TASOR: variants seen among roughly 807,000 people sequenced by gnomAD.
The protein encoded by TASOR is protein TASOR.
Under a neutral mutation model 178.6 loss-of-function variants are expected in TASOR, and 53 were observed. The observed-to-expected ratio is 0.30, with a 90% confidence interval of 0.24 to 0.37. The LOEUF (loss-of-function observed/expected upper bound fraction) is 0.37. Ranked by LOEUF, TASOR falls within the 10% of genes least tolerant of loss-of-function variation. The pLI, the probability that TASOR is intolerant of heterozygous loss-of-function variation, is 1.00. For synonymous variants in TASOR, 713 were observed against 696.2 expected (o/e 1.02, Z -0.38); for missense variants, 1,815 against 1,971.4 (o/e 0.92, Z 1.50).
rs1240947514 is a variant in TASOR at position 56,623,374 on chromosome 3, A to G, written c.4676T>C (p.Leu1559Ser). ...LQSSPDVQNS[L>S]LEDKTYLDSE... ...ATCAAGGTAAGTCTTATCTTCTAAT[A>G]AACTGTTTTGCACATCAGGAGACGA... The change falls in exon 24 of 24, where the codon TTA becomes TCA. Residue 1559 changes from leucine to serine, a missense_variant. Transcript: ENST00000683822. 6.2e-7 allele frequency: 1 copy of G among 1,613,586 alleles called. No individual in the cohort carries two copies. Among genetic ancestry groups the G allele is most frequent in the Non-Finnish European group, 8.5e-7 (1 of 1,179,934 alleles).
chr3:56,623,283 T>C lies in TASOR; in HGVS notation c.4767A>G (p.Gln1589=). The change falls in exon 24 of 24, where the codon CAA becomes CAG. Residue 1589 remains glutamine, a synonymous_variant. Transcript: ENST00000683822. ...SEGENSNSTE[Q]DSYSNFQVYH... The stretch of plus-strand genomic sequence containing the variant: ...AAACCTGAAAGTTACTATATGAATC[T>C]TGTTCTGTTGAATTGCTGTTCTCTC... 1.2e-6 allele frequency: 2 copies of C among 1,613,578 alleles called. No individual in the cohort carries two copies. The highest frequency in any genetic ancestry group is 8.5e-7 in the Non-Finnish European group (1 of 1,179,924).
At chr3:56,631,584 GTTTTTTTT>G (rs932459148) in intron 18 of TASOR, among the ~76,000 whole-genome samples, 1 of 113,436 alleles carries the variant, frequency 8.8e-6, no homozygotes, top group Non-Finnish European at 1.8e-5. Flanking sequence ...GTGTTTTTTT[GTTTTTTTT>G]TTTTTTTTTG....
In TASOR at chr3:56,669,754, C is replaced by G. The variant is rs944221989; in HGVS notation, c.681G>C (p.Ala227=). 1.8e-5 allele frequency: 28 copies of G among 1,549,014 alleles called. No individual in the cohort carries two copies. The highest frequency in any genetic ancestry group is 3.3e-4 in the Middle Eastern group (2 of 6,010). The change falls in exon 5 of 24, where the codon GCG becomes GCC. Residue 227 remains alanine (A), a synonymous_variant. Coordinates refer to ENST00000683822, the MANE Select transcript of TASOR (RefSeq NM_001365635.2). ...CCATTGCCCCCGTGTCCAAAGGATT[C>G]GCTTGTAATAAATCAGCATACCTAG... ...YLSRYADLLQ[A]NPLDTGAMGD...
intron 7 of TASOR, 63 bp downstream of exon 7, chr3:56,666,197 A>T: frequency 7.5e-7 from 1 of 1,332,278 alleles, no homozygotes; most frequent in Non-Finnish European, 9.7e-7. Flanking sequence ...CTCCTAACTC[A>T]GTAGTACAGG....
chr3:56,674,418 G>A (rs1440429100), intron 1 of TASOR, among the ~76,000 whole-genome samples: 1 of 151,866 alleles, frequency 6.6e-6, no homozygotes, highest in Non-Finnish European at 1.5e-5. Flanking sequence ...GCTGAGGCAG[G>A]AGGATCCTTT....
In TASOR at chr3:56,660,781, T is replaced by C. The variant is rs1187822849; in HGVS notation, c.1318A>G (p.Ile440Val). 9 of 1,613,702 alleles carry C rather than the reference T, an allele frequency of 5.6e-6. No homozygotes were observed. The highest frequency in any genetic ancestry group is 2.7e-5 in the African/African-American group (2 of 74,946). Residue 440 changes from isoleucine (I) to valine (V), a missense_variant, in exon 11 of 24, where the codon ATT (isoleucine) becomes GTT (valine). By Grantham distance (29) the Ile-to-Val change is conservative. Around this residue, in one of 5 missense-constraint regions of TASOR, gnomAD observed 504 missense variants for 645.3 expected, o/e 0.78. Coordinates refer to ENST00000683822, the MANE Select transcript of TASOR (RefSeq NM_001365635.2). ...SLYEVVEKTRIGSNMESLLQK... is the reference protein window; with the variant it reads ...SLYEVVEKTRVGSNMESLLQK... ...AGTAAACTCTCCATGTTACTTCCAA[T>C]TCTTGTCTTTTCCACAACTTCATAA... is the stretch of plus-strand genomic sequence containing the variant.
Position 56,669,739 on chromosome 3 carries a change from C to T in TASOR, c.696G>A (p.Thr232=), listed in dbSNP as rs770783264. ...ADLLQANPLD[T]GAMGDVVIFK... ...AAATAACAACATCACCCATTGCCCC[C>T]GTGTCCAAAGGATTCGCTTGTAATA... The change falls in exon 5 of 24, where the codon ACG becomes ACA. Residue 232 remains threonine, a synonymous_variant. Transcript: ENST00000683822. The T allele has an allele frequency of 5.2e-6, 8 of 1,549,302 alleles. No individual in the cohort carries two copies. Among genetic ancestry groups the T allele is most frequent in the East Asian group, 2.4e-5 (1 of 40,852 alleles).
rs2077251747 is a variant in TASOR, at chr3:56,647,096, G to T, written c.1641C>A (p.Ala547=). 1 of 1,605,282 alleles carries T rather than the reference G, an allele frequency of 6.2e-7. No homozygotes were observed. Among genetic ancestry groups the T allele is most frequent in the Non-Finnish European group, 8.5e-7 (1 of 1,178,108 alleles). ...QCRKEFKNIS[A]INFHSVVEKY... is the part of the protein sequence containing the mutation. The stretch of plus-strand genomic sequence containing the variant: ...TTTCAACAACAGAATGAAAATTTAT[G>T]GCGCTTATATTTTTGAATTCCTTTC... The change falls in exon 14 of 24, where the codon GCC becomes GCA. Residue 547 remains alanine (A), a synonymous_variant. Transcript: ENST00000683822.
chr3:56,650,939 TAA>T (rs2077339971), intron 11 of TASOR, among the ~76,000 whole-genome samples: 1 of 152,172 alleles, frequency 6.6e-6, no homozygotes, highest in African/African-American at 2.4e-5. Flanking sequence ...GTTGATGAAA[TAA>T]AAAGTTACGA....
At chr3:56,658,601 T>G (rs1235837340) in intron 11 of TASOR, among the ~76,000 whole-genome samples, 1 of 152,132 alleles carries the variant, frequency 6.6e-6, no homozygotes, top group African/African-American at 2.4e-5. Context: ...AACATAAAAT[T>G]ATGTTCATAT....
At chr3:56,623,887 AAT>A (rs1022977014) in intron 23 of TASOR, 45 of 1,505,718 alleles carry the variant, frequency 3.0e-5, no homozygotes, top group Admixed American at 4.4e-5. Context: ...ACAAATATAA[AAT>A]AAAATTTTTT....
rs1226155156 is a variant in TASOR, at chr3:56,649,075, GGAA to G, written c.1369-21_1369-19del. ...ACAAGAACCTGTATTTTGAGGGGAA[GGAA>G]GAAGTTGTATCTGCTTTATTATTAT... On this transcript the variant is annotated intron_variant, in intron 11 of 23. Transcript: ENST00000683822. 6.4e-7 allele frequency: 1 copy of G among 1,573,704 alleles called. No individual in the cohort carries two copies. Among genetic ancestry groups the G allele is most frequent in the Non-Finnish European group, 8.6e-7 (1 of 1,158,154 alleles).
In TASOR at chr3:56,660,489, CAAAA is replaced by C. The variant is rs35016053; in HGVS notation, c.1368+238_1368+241del. On this transcript the variant is annotated intron_variant, in intron 11 of 23. Coordinates refer to ENST00000683822, the MANE Select transcript of TASOR (RefSeq NM_001365635.2). Reference sequence around the variant, plus strand: ...CTGGTGAGACAGCAAGACTCCGTCTCAAAAAAAAAAAAAAAAAAAAGATATTCCA... The same window carrying C: ...CTGGTGAGACAGCAAGACTCCGTCTCAAAAAAAAAAAAAAAAGATATTCCA... 2.6e-4 allele frequency among the ~76,000 whole-genome samples: 17 copies of C among 66,058 alleles called. 1 individual carries two copies. The East Asian group carries it at 5.4e-3, about 21-fold the overall frequency. The allele number at this position is 66,058 out of a possible 152,430, so 43.3% of individuals were successfully genotyped here. A position where few individuals can be genotyped will look rare whatever the true frequency, so the allele number is the denominator to read the frequency against.
chr3:56,633,361 C>G lies in TASOR; in HGVS notation c.3430G>C (p.Asp1144His), dbSNP rs2076955173. ...LEPLCSDPLK[D>H]TNSDEQHSTS... ...GAATGCTGCTCATCAGAGTTGGTAT[C>G]TTTCAAAGGATCACTACACAGTGGC... The change falls in exon 18 of 24, where the codon GAT (aspartate) becomes CAT (histidine). Residue 1144 changes from aspartate (D) to histidine (H), a missense_variant. By Grantham distance (81) the Asp-to-His change is moderately conservative (BLOSUM62 -1). Transcript: ENST00000683822. 2.5e-6 allele frequency: 4 copies of G among 1,614,160 alleles called. No homozygotes were observed. The East Asian group carries it at 8.9e-5, about 36-fold the overall frequency.
chr3:56,659,096 C>CGGAT (rs1336461565), intron 11 of TASOR, among the ~76,000 whole-genome samples: 3 of 151,984 alleles, frequency 2.0e-5, no homozygotes, highest in Non-Finnish European at 2.9e-5. Flanking sequence ...TCTGACTATC[C>CGGAT]CATCTATAAA....
In TASOR at chr3:56,622,081, T is replaced by C. The variant is rs1487793247; in HGVS notation, c.*956A>G. 6.6e-6 allele frequency: 1 copy of C among 152,208 alleles called. No homozygotes were observed. The highest frequency in any genetic ancestry group is 1.5e-5 in the Non-Finnish European group (1 of 68,024). The allele number at this position is 152,208 out of a possible 1,614,324, so 9.4% of individuals were successfully genotyped here. ...GAAATAACACAAATTCAGTTTAGGC[T>C]CCTTCTCTAAATCCTGACATTTATT... is the stretch of plus-strand genomic sequence containing the variant. On this transcript the variant is annotated 3_prime_UTR_variant, in exon 24 of 24. Coordinates refer to ENST00000683822, the MANE Select transcript of TASOR (RefSeq NM_001365635.2).
intron 18 of TASOR, among the ~76,000 whole-genome samples, chr3:56,632,474 CA>C (rs35002030): frequency 0.63 from 91,335 of 145,440 alleles, 30,375 homozygotes; most frequent in East Asian, 0.96. Flanking sequence ...GACTCTGTCT[CA>C]AAAAAAAAAA....
Position 56,682,788 on chromosome 3 carries a change from C to G in TASOR, c.219G>C (p.Gln73His). ...AEAAQSLSHE[Q>H]PQDSSEAGAA... ...CGCCCGCCTCAGAGGAGTCCTGAGG[C>G]TGCTCGTGGCTGAGGCTCTGGGCGG... Residue 73 changes from glutamine (Q) to histidine (H), a missense_variant, in exon 1 of 24, where the codon CAG becomes CAC. Gln to His is a conservative substitution (Grantham distance 24). This residue lies in a region of TASOR where 244 missense variants were observed against 202.7 expected (regional missense o/e 1.20). Transcript: ENST00000683822. The G allele has an allele frequency of 6.4e-7, 1 of 1,550,512 alleles. No homozygotes were observed. Among genetic ancestry groups the G allele is most frequent in the Non-Finnish European group, 8.7e-7 (1 of 1,146,332 alleles).
intron 1 of TASOR, among the ~76,000 whole-genome samples, chr3:56,677,845 C>T (rs2031446714): frequency 6.6e-6 from 1 of 152,148 alleles, no homozygotes; most frequent in Admixed American, 6.6e-5. Flanking sequence ...TCGTAACACC[C>T]TTTGTTTTAT....
Sources: gnomAD v4.1 joint callset for allele counts (sites outside exome capture counted in the v4.1 genomes callset) on GRCh38, gnomAD v4.1.1 for gene constraint, gnomAD v4.1.1 regional missense constraint, MANE v1.5 for transcripts, NCBI Gene and HGNC (gene_info 2026-07-23, HGNC 2026-07-21) for gene names.